TBX1: variants seen among roughly 807,000 people sequenced by gnomAD.
TBX1 encodes T-box transcription factor TBX1.
TBX1 carries 16 observed loss-of-function variants against 40.8 expected under a neutral mutation model. The observed-to-expected ratio is 0.39, with a 90% CI of 0.27 to 0.60. The LOEUF (loss-of-function observed/expected upper bound fraction) is 0.60, where lower values mean the gene tolerates loss of function less well. Ranked by LOEUF, TBX1 falls within the 20% of genes least tolerant of loss-of-function variation. The probability of loss-of-function intolerance (pLI) is 0.51; values close to 1 mark genes in which losing one functional copy is unlikely to be tolerated. For missense variants in TBX1, 755 were observed against 728.5 expected, an observed-to-expected ratio of 1.04 and a Z score of -0.42; for synonymous variants, 403 against 336.8, an observed-to-expected ratio of 1.20 and a Z score of -2.15.
At chr22:19,782,892 T>G, downstream of TBX1, 1 of 1,614,138 alleles carries the variant, frequency 6.2e-7, no homozygotes. Flanking sequence ...AGGGATCTGT[T>G]TCCCCTCTCC....
downstream of TBX1, among the ~76,000 whole-genome samples, chr22:19,781,389 T>G (rs1490899905): frequency 6.6e-6 from 1 of 152,190 alleles, no homozygotes; most frequent in Non-Finnish European, 1.5e-5. Context: ...CATTTTTGAA[T>G]CGGCTTTTTT....
chr22:19,763,502 A>AC lies in TBX1; in HGVS notation c.539+164dup, dbSNP rs1936734823. The AC allele has an allele frequency of 5.5e-5, 37 of 667,216 alleles. 2 individuals are homozygous for AC. In the South Asian group the frequency reaches 6.5e-4, roughly 12 times the overall value. 41.3% of individuals were successfully genotyped at this position (667,216 alleles called of 1,614,324 possible). ...CCGCTCCCTCCTCCACTCCCATCTG[A>AC]CCCCAGACCCACAACCCTACTCCAT... On this transcript the variant is annotated intron_variant, in intron 2 of 6. Transcript: ENST00000649276.
chr22:19,775,775 C>T (rs1313054793), intron 8 of TBX1, among the ~76,000 whole-genome samples: 1 of 152,208 alleles, frequency 6.6e-6, no homozygotes, highest in African/African-American at 2.4e-5. Flanking sequence ...TGGCATGAAG[C>T]GGTGCCCCAG....
upstream of TBX1, among the ~76,000 whole-genome samples, chr22:19,758,205 G>A (rs929256300): frequency 6.6e-6 from 1 of 152,154 alleles, no homozygotes; most frequent in African/African-American, 2.4e-5. Context: ...GAGGTTGCCT[G>A]CCTCCCACTC....
In TBX1 at chr22:19,761,101, GGCCGCCACCAGC is replaced by G. The variant is rs1569018408; in HGVS notation, c.265_276del (p.Thr89_Ala92del). Reference sequence around the variant, plus strand: ...CCTACCCGTTTGCGCCGGCCGCCGGGGCCGCCACCAGCGCCGCCGCCGAGCCCGAGGGCCCCG... The same window carrying G: ...CCTACCCGTTTGCGCCGGCCGCCGGGGCCGCCGCCGAGCCCGAGGGCCCCG... On this transcript the variant is annotated inframe_deletion, in exon 1 of 7. Transcript: ENST00000649276. The G allele has an allele frequency of 5.2e-6, 6 of 1,161,944 alleles. No individual in the cohort carries two copies. The highest frequency in any genetic ancestry group is 3.6e-4 in the Middle Eastern group (1 of 2,750). The allele number at this position is 1,161,944 out of a possible 1,614,324, so 72.0% of individuals were successfully genotyped here. A position where few individuals can be genotyped will look rare whatever the true frequency, so the allele number is the denominator to read the frequency against.
At chr22:19,772,076 C>T (rs1328654052), downstream of TBX1, among the ~76,000 whole-genome samples, 1 of 152,248 alleles carries the variant, frequency 6.6e-6, no homozygotes, top group Non-Finnish European at 1.5e-5. Context: ...ATTCCTCTGT[C>T]ATTCTAGCTT....
At chr22:19,765,691 C>A in intron 4 of TBX1, 67 bp from the exon 5 acceptor site, 4 of 1,568,896 alleles carry the variant, frequency 2.5e-6, no homozygotes, top group South Asian at 2.3e-5. Flanking sequence ...CTCCCCTATC[C>A]TCCGCCGAGG....
In TBX1 at chr22:19,766,590, C is replaced by G. The variant is rs557935727; in HGVS notation, c.1238C>G (p.Ala413Gly). ...SPPNPELRLE[A>G]PGASEPLHHH... Reference sequence around the variant, plus strand: ...CCGAACCCCGAGCTGCGCCTGGAGGCGCCCGGCGCATCGGAGCCGCTGCAC... The same window carrying G: ...CCGAACCCCGAGCTGCGCCTGGAGGGGCCCGGCGCATCGGAGCCGCTGCAC... Residue 413 changes from alanine (A) to glycine (G), a missense_variant, in exon 7 of 7, where the codon GCG becomes GGG. By Grantham distance (60) the Ala-to-Gly change is moderately conservative. This residue lies in a region of TBX1 where 412 missense variants were observed against 317.6 expected (regional missense o/e 1.30). Transcript: ENST00000649276. The G allele has an allele frequency of 7.4e-5, 110 of 1,478,130 alleles. No homozygotes were observed. In the Admixed American group the frequency reaches 2.4e-3, roughly 32 times the overall value. 91.6% of individuals were successfully genotyped at this position (1,478,130 alleles called of 1,614,324 possible).
chr22:19,777,411 T>C (rs1039582578), intron 8 of TBX1, among the ~76,000 whole-genome samples: 4 of 152,240 alleles, frequency 2.6e-5, no homozygotes, highest in African/African-American at 9.6e-5. Flanking sequence ...TATGGCTGCA[T>C]AGTATTCCAT....
intron 8 of TBX1, among the ~76,000 whole-genome samples, chr22:19,772,410 A>G (rs1937004044): frequency 6.6e-6 from 1 of 152,048 alleles, no homozygotes; most frequent in South Asian, 2.1e-4. Context: ...GGCTCAAGCC[A>G]TCCTCCAGAC....
chr22:19,783,174 A>G, downstream of TBX1: 1 of 678,190 alleles, frequency 1.5e-6, no homozygotes, highest in East Asian at 2.7e-5. Flanking sequence ...AGCCTCTCCT[A>G]AATTCCCGAC....
At chr22:19,759,771 C>T (rs539399196), upstream of TBX1, 2 of 1,430,664 alleles carry the variant, frequency 1.4e-6, no homozygotes. Context: ...GGAGGCAGCT[C>T]TTGGTAGCGT....
Position 19,763,311 on chromosome 22 carries a change from G to A in TBX1, c.508G>A (p.Asp170Asn), listed in dbSNP as rs1174388102. The change falls in exon 2 of 7, where the codon GAC becomes AAC. Residue 170 changes from aspartate to asparagine, a missense_variant. By Grantham distance (23) the Asp-to-Asn change is conservative (BLOSUM62 1). Transcript: ENST00000649276. ...DPMADYMLLM[D>N]FVPVDDKRYR... is the part of the protein sequence containing the mutation. ...CATGGCCGACTATATGCTGCTCATG[G>A]ACTTCGTGCCGGTGGACGATAAGCG... is the stretch of plus-strand genomic sequence containing the variant. 1 of 1,614,082 alleles carries A rather than the reference G, an allele frequency of 6.2e-7. No individual in the cohort carries two copies. Among genetic ancestry groups the A allele is most frequent in the Non-Finnish European group, 8.5e-7 (1 of 1,180,032 alleles).
At chr22:19,774,872 A>G (rs1303836195) in intron 8 of TBX1, among the ~76,000 whole-genome samples, 1 of 148,514 alleles carries the variant, frequency 6.7e-6, no homozygotes, top group African/African-American at 2.5e-5. Context: ...TTTTGCGTTC[A>G]TCTGGAGGTG....
chr22:19,775,971 G>A (rs1021836162), intron 8 of TBX1, among the ~76,000 whole-genome samples: 4 of 152,146 alleles, frequency 2.6e-5, no homozygotes, highest in Admixed American at 1.3e-4. Flanking sequence ...GCAGGGAGAC[G>A]GAGGGTTACC....
At chr22:19,779,076 C>T in intron 8 of TBX1, 1 of 930,334 alleles carries the variant, frequency 1.1e-6, no homozygotes, top group South Asian at 1.5e-5. Flanking sequence ...CTGTGGGCGG[C>T]TCGGCTCGTT....
At chr22:19,767,443 C>T, downstream of TBX1, 2 of 963,530 alleles carry the variant, frequency 2.1e-6, no homozygotes, top group Non-Finnish European at 2.5e-6. Flanking sequence ...GCCCCAATCC[C>T]TGCCGACTGT....
chr22:19,761,740 G>C (rs796375214), intron 1 of TBX1, among the ~76,000 whole-genome samples: 3 of 152,356 alleles, frequency 2.0e-5, no homozygotes, highest in African/African-American at 7.2e-5. Context: ...AAGATAAAGA[G>C]CGGCAGCCGG....
chr22:19,768,953 CTTTTTT>C (rs36085623), downstream of TBX1, among the ~76,000 whole-genome samples: 446 of 66,130 alleles, frequency 6.7e-3, 14 homozygotes, highest in African/African-American at 0.021. Context: ...TGTTCGCATT[CTTTTTT>C]TTTTTTTTTT....
Sources: gnomAD v4.1 joint callset for allele counts (sites outside exome capture counted in the v4.1 genomes callset) on GRCh38, gnomAD v4.1.1 for gene constraint, gnomAD v4.1.1 regional missense constraint, MANE v1.5 for transcripts, NCBI Gene and HGNC (gene_info 2026-07-23, HGNC 2026-07-21) for gene names.